Variants in FXYD5 observed in about 807,000 individuals in gnomAD.
FXYD5 encodes FXYD domain-containing ion transport regulator 5.
FXYD5 carries 21 observed loss-of-function variants against 25.7 expected under a neutral mutation model. That is an observed-to-expected ratio of 0.82 (90% CI 0.58 to 1.18). FXYD5 has a LOEUF of 1.18. FXYD5 is among the 50% of genes most tolerant of loss of function. The probability of loss-of-function intolerance (pLI) is 0.00; values close to 1 mark genes in which losing one functional copy is unlikely to be tolerated. For synonymous variants in FXYD5, 101 were observed against 90.7 expected (o/e 1.11, Z -0.64); for missense variants, 229 against 227.7 (o/e 1.01, Z -0.04).
chr19:35,161,818 C>A (rs978941496), intron 5 of FXYD5, among the ~76,000 whole-genome samples: 3 of 152,296 alleles, frequency 2.0e-5, no homozygotes, highest in East Asian at 3.9e-4. Context: ...TAGGCCACTC[C>A]CAGAGAGACA....
At chr19:35,160,550 T>C (rs1568412670) in intron 4 of FXYD5, among the ~76,000 whole-genome samples, 159 bp from the exon 5 acceptor site, 1 of 152,196 alleles carries the variant, frequency 6.6e-6, no homozygotes, top group Non-Finnish European at 1.5e-5. Flanking sequence ...TTCTCCATGT[T>C]GGTCAGGCTG....
intron 6 of FXYD5, among the ~76,000 whole-genome samples, chr19:35,164,505 A>T (rs1172924660): frequency 6.6e-6 from 1 of 152,200 alleles, no homozygotes; most frequent in African/African-American, 2.4e-5. Flanking sequence ...CATTTCTGCA[A>T]TTTGGAAATC....
At chr19:35,169,420 G>C in intron 8 of FXYD5, 146 bp from the exon 9 acceptor site, 1 of 646,378 alleles carries the variant, frequency 1.5e-6, no homozygotes, top group Non-Finnish European at 2.8e-6. Flanking sequence ...GGCTGTTCTC[G>C]GTGTGTTTCT....
chr19:35,166,322 A>C lies in FXYD5; in HGVS notation c.484A>C (p.Thr162Pro). 1 of 1,565,614 alleles carries C rather than the reference A, an allele frequency of 6.4e-7. No homozygotes were observed. Among genetic ancestry groups the C allele is most frequent in the Non-Finnish European group, 8.7e-7 (1 of 1,148,716 alleles). Residue 162 changes from threonine to proline, a missense_variant, in exon 8 of 9, where the codon ACC becomes CCC. Thr to Pro is a conservative substitution (Grantham distance 38, BLOSUM62 -1). Transcript: ENST00000392219. ...VLFITGIIILTSGKCRQLSRL... is the reference protein window; with the variant it reads ...VLFITGIIILPSGKCRQLSRL... ...GTTCATCACAGGCATCATCATCCTCACCAGTGAGAACTGGGGTTGGGTGGG... is the reference window on the plus strand; with the variant it reads ...GTTCATCACAGGCATCATCATCCTCCCCAGTGAGAACTGGGGTTGGGTGGG...
Position 35,166,315 on chromosome 19 carries a change from C to CA in FXYD5, c.478dup (p.Ile160AsnfsTer?), listed in dbSNP as rs2065450839. 6.3e-7 allele frequency: 1 copy of CA among 1,580,988 alleles called. No individual in the cohort carries two copies. The highest frequency in any genetic ancestry group is 8.6e-7 in the Non-Finnish European group (1 of 1,159,338). ...CTGTGCTGTTCATCACAGGCATCAT[C>CA]ATCCTCACCAGTGAGAACTGGGGTT... On this transcript the variant is annotated frameshift_variant, in exon 8 of 9. Coordinates refer to ENST00000392219, the MANE Select transcript of FXYD5 (RefSeq NM_014164.6). LOFTEE classifies it high-confidence loss of function.
chr19:35,155,741 C>T (rs2065348515), intron 2 of FXYD5, 130 bp downstream of exon 2: 1 of 734,006 alleles, frequency 1.4e-6, no homozygotes, highest in Non-Finnish European at 2.4e-6. Context: ...TGAGCCGGCA[C>T]CAGGAAGTGG....
intron 1 of FXYD5, 55 bp from the exon 2 acceptor site, chr19:35,155,496 C>A: frequency 7.0e-7 from 1 of 1,425,922 alleles, no homozygotes; most frequent in Non-Finnish European, 9.8e-7. Flanking sequence ...CGGGGGCTGC[C>A]GGAGGTCGGT....
intron 6 of FXYD5, among the ~76,000 whole-genome samples, chr19:35,164,729 A>C (rs2065436180): frequency 6.6e-6 from 1 of 152,212 alleles, no homozygotes; most frequent in African/African-American, 2.4e-5. Context: ...TCATCCATTC[A>C]TTCAACAAAT....
intron 6 of FXYD5, among the ~76,000 whole-genome samples, chr19:35,165,051 C>A (rs1195078564): frequency 6.6e-6 from 1 of 151,784 alleles, no homozygotes; most frequent in Non-Finnish European, 1.5e-5. Context: ...ACCCAAAAAT[C>A]TGAAGTCCAA....
chr19:35,157,212 C>G (rs1026368594), intron 2 of FXYD5, among the ~76,000 whole-genome samples: 2 of 152,144 alleles, frequency 1.3e-5, no homozygotes, highest in Non-Finnish European at 2.9e-5. Flanking sequence ...TCCCATCCCA[C>G]AGGGATGGGC....
intron 3 of FXYD5, among the ~76,000 whole-genome samples, 186 bp from the exon 4 acceptor site, chr19:35,158,158 G>T (rs190758139): frequency 6.6e-6 from 1 of 152,184 alleles, no homozygotes; most frequent in East Asian, 1.9e-4. Flanking sequence ...GGGACGTAAG[G>T]TCCCAAAGAA....
Position 35,166,330 on chromosome 19 carries a change from G to A in FXYD5, c.487+5G>A, listed in dbSNP as rs775323352. On this transcript the variant is annotated splice_donor_5th_base_variant and intron_variant, in intron 8 of 8. Coordinates refer to ENST00000392219, the MANE Select transcript of FXYD5 (RefSeq NM_014164.6). ...CAGGCATCATCATCCTCACCAGTGA[G>A]AACTGGGGTTGGGTGGGAAGGACAC... 6.4e-7 allele frequency: 1 copy of A among 1,552,220 alleles called. No individual in the cohort carries two copies.
intron 8 of FXYD5, 76 bp downstream of exon 8, chr19:35,166,401 G>A (rs1168525045): frequency 4.3e-6 from 4 of 925,006 alleles, no homozygotes; most frequent in Non-Finnish European, 6.7e-6. Flanking sequence ...GTTCTCAAAG[G>A]TCCCTGGGCA....
chr19:35,164,740 A>AT (rs2065436256), intron 6 of FXYD5, among the ~76,000 whole-genome samples: 1 of 152,208 alleles, frequency 6.6e-6, no homozygotes, highest in Non-Finnish European at 1.5e-5. Flanking sequence ...TTCAACAAAT[A>AT]GTCACTGAGT....
chr19:35,159,438 G>A (rs2065385483), intron 4 of FXYD5: 2 of 1,525,426 alleles, frequency 1.3e-6, no homozygotes, highest in Non-Finnish European at 1.8e-6. Flanking sequence ...TCTTCGTGCA[G>A]TCGTATGTTT....
Position 35,166,294 on chromosome 19 carries a change from G to A in FXYD5, c.456G>A (p.Val152=). The change falls in exon 8 of 9, where the codon GTG becomes GTA. Residue 152 remains valine (V), a synonymous_variant. Transcript: ENST00000392219. ...LRKRGLLVAA[V]LFITGIIILT... Reference sequence around the variant, plus strand: ...AACGGGGGCTGTTGGTCGCAGCTGTGCTGTTCATCACAGGCATCATCATCC... The same window carrying A: ...AACGGGGGCTGTTGGTCGCAGCTGTACTGTTCATCACAGGCATCATCATCC... The A allele has an allele frequency of 6.2e-7, 1 of 1,603,366 alleles. No homozygotes were observed. The highest frequency in any genetic ancestry group is 8.5e-7 in the Non-Finnish European group (1 of 1,173,734).
chr19:35,166,262 C>T lies in FXYD5; in HGVS notation c.424C>T (p.Leu142Phe), dbSNP rs750686218. The T allele has an allele frequency of 2.5e-6, 4 of 1,612,018 alleles. No individual in the cohort carries two copies. Among genetic ancestry groups the T allele is most frequent in the Non-Finnish European group, 2.5e-6 (3 of 1,178,514 alleles). Residue 142 changes from leucine (L) to phenylalanine (F), a missense_variant, in exon 8 of 9, where the codon CTC becomes TTC. Physicochemically the swap from Leu to Phe is conservative, Grantham distance 22 (BLOSUM62 0). Transcript: ENST00000392219. ...DDPFFYDEHT[L>F]RKRGLLVAAV... ...TTTTCTCTCTGCAGATGAACACACC[C>T]TCCGGAAACGGGGGCTGTTGGTCGC...
At chr19:35,155,716 C>T in intron 2 of FXYD5, 105 bp downstream of exon 2, 3 of 833,348 alleles carry the variant, frequency 3.6e-6, no homozygotes, top group South Asian at 2.7e-5. Flanking sequence ...TTGTCCTGCC[C>T]TGTCACCCTC....
At chr19:35,165,569 C>G (rs763693552) in intron 6 of FXYD5, among the ~76,000 whole-genome samples, 8 of 151,948 alleles carry the variant, frequency 5.3e-5, no homozygotes, top group Non-Finnish European at 1.0e-4. Flanking sequence ...TCAGCAAGGC[C>G]TTTATGACCT....
Sources: gnomAD v4.1 joint callset for allele counts (sites outside exome capture counted in the v4.1 genomes callset) on GRCh38, gnomAD v4.1.1 for gene constraint, MANE v1.5 for transcripts, NCBI Gene and HGNC (gene_info 2026-07-23, HGNC 2026-07-21) for gene names.